Variants in ZNF420 observed in about 807,000 individuals in gnomAD.
ZNF420 encodes zinc finger protein 420.
A neutral mutation model predicts 44.7 loss-of-function variants in ZNF420; 31 were observed. That is an observed-to-expected ratio of 0.69 (90% CI 0.52 to 0.94). The LOEUF is 0.94. Among genes scored for constraint, ZNF420 ranks in the 40% least tolerant of loss-of-function variants. The pLI, the probability that ZNF420 is intolerant of heterozygous loss-of-function variation, is 0.00. For synonymous variants in ZNF420, 245 were observed against 267.4 expected, an observed-to-expected ratio of 0.92 and a Z score of 0.82; for missense variants, 681 against 827.9, an observed-to-expected ratio of 0.82 and a Z score of 2.18.
At chr19:37,062,084 T>C (rs1967888697) in intron 1 of ZNF420, among the ~76,000 whole-genome samples, 1 of 152,206 alleles carries the variant, frequency 6.6e-6, no homozygotes, top group South Asian at 2.1e-4. Flanking sequence ...CTACATCTTA[T>C]AACCTCTAAA....
At position 37,130,250 on chromosome 19, in the gene ZNF420, C is replaced by A; in HGVS notation, c.*1192C>A. On this transcript the variant is annotated 3_prime_UTR_variant, in exon 5 of 5. Coordinates refer to ENST00000337995, the MANE Select transcript of ZNF420 (RefSeq NM_144689.5). Reference sequence around the variant, plus strand: ...CTGCAACCCTGATGACTTTGTGGAACAGCCATACTAGCTCTGGTCTGCTTG... The same window carrying A: ...CTGCAACCCTGATGACTTTGTGGAAAAGCCATACTAGCTCTGGTCTGCTTG... 1 of 1,521,526 alleles carries A rather than the reference C, an allele frequency of 6.6e-7. No homozygotes were observed. Among genetic ancestry groups the A allele is most frequent in the Non-Finnish European group, 8.8e-7 (1 of 1,134,318 alleles). The allele number at this position is 1,521,526 out of a possible 1,614,324, so 94.3% of individuals were successfully genotyped here.
intron 1 of ZNF420, among the ~76,000 whole-genome samples, chr19:37,034,402 G>A (rs1671856426): frequency 6.6e-6 from 1 of 152,070 alleles, no homozygotes; most frequent in Non-Finnish European, 1.5e-5. Context: ...ATATATTCTG[G>A]ATATCGATCA....
chr19:37,009,415 GC>G (rs375737217), intron 1 of ZNF420, among the ~76,000 whole-genome samples: 185 of 152,228 alleles, frequency 1.2e-3, no homozygotes, highest in African/African-American at 4.3e-3. Context: ...GGTCACCTGT[GC>G]CCCCCTTCCA....
chr19:37,115,574 C>T (rs766458367), intron 4 of ZNF420, among the ~76,000 whole-genome samples: 7 of 151,934 alleles, frequency 4.6e-5, no homozygotes, highest in South Asian at 2.1e-4. Flanking sequence ...TAGCACGTCT[C>T]ACCTCCAGCC....
chr19:37,103,431 G>A (rs1969891452), intron 4 of ZNF420, among the ~76,000 whole-genome samples: 1 of 152,070 alleles, frequency 6.6e-6, no homozygotes, highest in Admixed American at 6.5e-5. Context: ...CTATGACGGT[G>A]ATTAATTTCT....
At chr19:37,087,732 G>A (rs1489675325) in intron 2 of ZNF420, among the ~76,000 whole-genome samples, 2 of 152,114 alleles carry the variant, frequency 1.3e-5, no homozygotes, top group African/African-American at 2.4e-5. Flanking sequence ...TGCAAGCTCC[G>A]CCTCCCGGGT....
At chr19:37,026,062 C>A (rs1967152374) in intron 1 of ZNF420, among the ~76,000 whole-genome samples, 1 of 151,980 alleles carries the variant, frequency 6.6e-6, no homozygotes, top group Non-Finnish European at 1.5e-5. Flanking sequence ...TGCCTGTAAT[C>A]CAGCACTTTG....
chr19:37,015,388 G>T (rs1387792270), intron 1 of ZNF420, among the ~76,000 whole-genome samples: 1 of 152,126 alleles, frequency 6.6e-6, no homozygotes, highest in African/African-American at 2.4e-5. Context: ...AAGAAGATGA[G>T]CACAACACAC....
intron 1 of ZNF420, among the ~76,000 whole-genome samples, chr19:37,061,848 C>T (rs1400507421): frequency 6.6e-6 from 1 of 152,160 alleles, no homozygotes; most frequent in Non-Finnish European, 1.5e-5. Flanking sequence ...ACGGAAATCA[C>T]CAAGACTTGG....
intron 1 of ZNF420, among the ~76,000 whole-genome samples, chr19:37,046,646 G>T (rs1288191998): frequency 6.6e-6 from 1 of 152,192 alleles, no homozygotes; most frequent in Non-Finnish European, 1.5e-5. Context: ...GCAGATGTTA[G>T]GATCAGAACC....
intron 1 of ZNF420, among the ~76,000 whole-genome samples, chr19:37,057,381 C>T (rs1432431254): frequency 7.3e-6 from 1 of 136,106 alleles, no homozygotes; most frequent in African/African-American, 2.7e-5. Context: ...GAGCAGAACC[C>T]CAAAGCCTCA....
chr19:37,053,290 T>C (rs1165941028), intron 1 of ZNF420, among the ~76,000 whole-genome samples: 2 of 152,244 alleles, frequency 1.3e-5, no homozygotes, highest in Non-Finnish European at 2.9e-5. Flanking sequence ...TTTTAACCTC[T>C]TTGCCATGGG....
At chr19:37,058,202 C>G (rs1248741963) in intron 1 of ZNF420, among the ~76,000 whole-genome samples, 1 of 152,138 alleles carries the variant, frequency 6.6e-6, no homozygotes, top group Non-Finnish European at 1.5e-5. Flanking sequence ...CTCTCCAAAC[C>G]TGTTTCTGGT....
chr19:37,129,031 T>C lies in ZNF420; in HGVS notation c.2040T>C (p.Phe680=). Residue 680 remains phenylalanine (F), a synonymous_variant, in exon 5 of 5, where the codon TTT becomes TTC. Transcript: ENST00000337995. ...SFEYKECGID[F]SHGSQVYM is the part of the protein sequence containing the mutation. The stretch of plus-strand genomic sequence containing the variant: ...AATATAAGGAATGTGGGATTGACTT[T>C]AGTCATGGCTCACAAGTTTACATGT... 1 of 1,612,120 alleles carries C rather than the reference T, an allele frequency of 6.2e-7. No individual in the cohort carries two copies. The highest frequency in any genetic ancestry group is 2.2e-5 in the East Asian group (1 of 44,834).
At chr19:37,053,821 G>A (rs903992752) in intron 1 of ZNF420, among the ~76,000 whole-genome samples, 10 of 152,178 alleles carry the variant, frequency 6.6e-5, no homozygotes, top group African/African-American at 2.4e-4. Context: ...ACCCACTTGA[G>A]GAGGCAATCT....
intron 1 of ZNF420, among the ~76,000 whole-genome samples, chr19:37,010,913 A>G (rs369410873): frequency 3.9e-5 from 6 of 152,226 alleles, no homozygotes; most frequent in African/African-American, 9.6e-5. Context: ...AGATGGTTCT[A>G]TCTCCTCACG....
intron 1 of ZNF420, among the ~76,000 whole-genome samples, chr19:37,021,566 C>T (rs968279966): frequency 4.6e-5 from 7 of 152,014 alleles, no homozygotes; most frequent in African/African-American, 1.7e-4. Context: ...CACACTGGGC[C>T]GAAATATTTA....
At chr19:37,018,718 C>T (rs1482077874) in intron 1 of ZNF420, among the ~76,000 whole-genome samples, 1 of 152,052 alleles carries the variant, frequency 6.6e-6, no homozygotes, top group African/African-American at 2.4e-5. Context: ...TAGGTGTGCA[C>T]CACCATGCCC....
At chr19:37,010,084 G>A (rs1267035379) in intron 1 of ZNF420, among the ~76,000 whole-genome samples, 2 of 152,198 alleles carry the variant, frequency 1.3e-5, no homozygotes, top group African/African-American at 4.8e-5. Flanking sequence ...TGCCCGAGGC[G>A]CGAGAGGATT....
Sources: gnomAD v4.1 joint callset for allele counts (sites outside exome capture counted in the v4.1 genomes callset) on GRCh38, gnomAD v4.1.1 for gene constraint, MANE v1.5 for transcripts, NCBI Gene and HGNC (gene_info 2026-07-23, HGNC 2026-07-21) for gene names.